Variants in ZNF202 observed in about 807,000 individuals in gnomAD.
ZNF202 encodes the protein zinc finger protein 202, also known as zinc finger protein with KRAB and SCAN domains 10.
A neutral mutation model predicts 54.5 loss-of-function variants in ZNF202; 22 were observed. The ratio of observed to expected loss-of-function variants is 0.40; its 90% CI spans 0.29 to 0.58. The LOEUF (loss-of-function observed/expected upper bound fraction) is 0.58. Among genes scored for constraint, ZNF202 ranks in the 20% least tolerant of loss-of-function variants. The pLI, the probability that ZNF202 is intolerant of heterozygous loss-of-function variation, is 0.39. For missense variants in ZNF202, 644 were observed against 805.5 expected, an observed-to-expected ratio of 0.80 and a Z score of 2.43; for synonymous variants, 294 against 301.4, an observed-to-expected ratio of 0.98 and a Z score of 0.26.
rs765819315 is a variant in ZNF202 at position 123,726,056 on chromosome 11, A to G, written c.1888T>C (p.Phe630Leu). 6.2e-7 allele frequency: 1 copy of G among 1,614,008 alleles called. No individual in the cohort carries two copies. The highest frequency in any genetic ancestry group is 1.3e-5 in the African/African-American group (1 of 74,892). ...CTAATTAAGTGATATCCTCTGCTGA[A>G]GCTTTTTCCACAGGTAGGGCACGTG... ...PFTCPTCGKS[F>L]SRGYHLIRHQ... The change falls in exon 9 of 9, where the codon TTC becomes CTC. Residue 630 changes from phenylalanine (F) to leucine (L), a missense_variant. Phe to Leu is a conservative substitution (Grantham distance 22). This residue lies in a region of ZNF202 where 536 missense variants were observed against 635.3 expected (regional missense o/e 0.84). Coordinates refer to ENST00000530393, the MANE Select transcript of ZNF202 (RefSeq NM_003455.4). This position sits in a 1 kb window ranked among gnomAD's most constrained non-coding sequence, Gnocchi z 6.0.
Position 123,726,342 on chromosome 11 carries a change from G to A in ZNF202, c.1602C>T (p.Gly534=). Residue 534 remains glycine, a synonymous_variant, in exon 9 of 9, where the codon GGC becomes GGT. Transcript: ENST00000530393. The surrounding 1 kb of genome is among the most constrained non-coding windows in gnomAD (Gnocchi z 6.0). ...LTTHQRIHLG[G]KPYLCGECGE... ...CACACTCTCCACACAAGTAGGGTTT[G>A]CCTCCCAGGTGGATTCTTTGGTGTG... 1.9e-6 allele frequency: 3 copies of A among 1,614,238 alleles called. No homozygotes were observed. The African/African-American group carries it at 4.0e-5, about 22-fold the overall frequency.
rs902169302 is a variant in ZNF202 at position 123,726,922 on chromosome 11, G to C, written c.1022C>G (p.Pro341Arg). 1 of 1,613,826 alleles carries C rather than the reference G, an allele frequency of 6.2e-7. No individual in the cohort carries two copies. The highest frequency in any genetic ancestry group is 8.5e-7 in the Non-Finnish European group (1 of 1,180,012). ...EDLSLEDIHR[P>R]VLGEPEIHQT... ...GTGAATTTCTGGTTCTCCCAAAACA[G>C]GCCTGTGTATATCCTCCAAACTCAG... Residue 341 changes from proline (P) to arginine (R), a missense_variant, in exon 9 of 9, where the codon CCT (proline) becomes CGT (arginine). Physicochemically the swap from Pro to Arg is moderately radical, Grantham distance 103. Transcript: ENST00000530393. The surrounding 1 kb of genome is among the most constrained non-coding windows in gnomAD (Gnocchi z 6.0).
rs1410281141 is a variant in ZNF202, at chr11:123,729,148, G to A, written c.680C>T (p.Ala227Val). 1.2e-6 allele frequency: 2 copies of A among 1,614,022 alleles called. No homozygotes were observed. The highest frequency in any genetic ancestry group is 8.5e-7 in the Non-Finnish European group (1 of 1,180,018). Residue 227 changes from alanine (A) to valine (V), a missense_variant, in exon 6 of 9, where the codon GCT becomes GTT. Physicochemically the swap from Ala to Val is moderately conservative, Grantham distance 64. Coordinates refer to ENST00000530393, the MANE Select transcript of ZNF202 (RefSeq NM_003455.4). ...CACCTGTGACAGAGCAGTAAGAAGAGCAACCATCTCTGAGTCTCCAGAGCT... is the reference window on the plus strand; with the variant it reads ...CACCTGTGACAGAGCAGTAAGAAGAACAACCATCTCTGAGTCTCCAGAGCT... ...ERSSGDSEMV[A>V]LLTALSQGLV... is the part of the protein sequence containing the mutation.
At chr11:123,736,421 C>T (rs1448584322) in intron 3 of ZNF202, among the ~76,000 whole-genome samples, 10 of 152,142 alleles carry the variant, frequency 6.6e-5, no homozygotes, top group Admixed American at 6.5e-4. Flanking sequence ...TTATTTTATA[C>T]CTTAATGCAG....
Position 123,726,553 on chromosome 11 carries a change from T to G in ZNF202, c.1391A>C (p.Glu464Ala). The G allele has an allele frequency of 6.2e-7, 1 of 1,614,256 alleles. No individual in the cohort carries two copies. Among genetic ancestry groups the G allele is most frequent in the Admixed American group, 1.7e-5 (1 of 60,028 alleles). The change falls in exon 9 of 9, where the codon GAG becomes GCG. Residue 464 changes from glutamate (E) to alanine (A), a missense_variant. This residue lies in a region of ZNF202 where 536 missense variants were observed against 635.3 expected (regional missense o/e 0.84). Coordinates refer to ENST00000530393, the MANE Select transcript of ZNF202 (RefSeq NM_003455.4). The surrounding 1 kb of genome is among the most constrained non-coding windows in gnomAD (Gnocchi z 6.0). ...CTCAGCCTGTGTCACAGGGGAGGTC[T>G]CTTCCAAATTCTTCCGGTTTAGGGG... is the stretch of plus-strand genomic sequence containing the variant. Reference protein sequence around the residue: ...KYPLNRKNLEETSPVTQAERT... With the variant: ...KYPLNRKNLEATSPVTQAERT...
At chr11:123,733,139 T>G (rs1015050554) in intron 3 of ZNF202, among the ~76,000 whole-genome samples, 9 of 152,208 alleles carry the variant, frequency 5.9e-5, no homozygotes, top group African/African-American at 2.2e-4. Context: ...CTCAACCTTT[T>G]TGTGCTATAC....
chr11:123,731,328 G>C (rs1861397883), intron 3 of ZNF202, among the ~76,000 whole-genome samples: 1 of 152,188 alleles, frequency 6.6e-6, no homozygotes, highest in Non-Finnish European at 1.5e-5. Context: ...ATCATCTCCT[G>C]CCTGGACTAC....
rs1274158871 is a variant in ZNF202 at position 123,730,380 on chromosome 11, G to A, written c.402+107C>T. ...ATGGTATATGAGCAACCCAAGGGCA[G>A]AGCCCACTAATAATTTATGGGGATC... On this transcript the variant is annotated intron_variant, in intron 4 of 8. Transcript: ENST00000530393. This position sits in a 1 kb window ranked among gnomAD's most constrained non-coding sequence, Gnocchi z 6.0. 1.2e-5 allele frequency: 17 copies of A among 1,385,944 alleles called. 1 individual carries two copies. Among genetic ancestry groups the A allele is most frequent in the Admixed American group, 7.1e-5 (3 of 42,308 alleles). The allele number at this position is 1,385,944 out of a possible 1,614,324, so 85.9% of individuals were successfully genotyped here.
intron 3 of ZNF202, among the ~76,000 whole-genome samples, chr11:123,732,062 C>T (rs551348499): frequency 1.1e-4 from 17 of 152,310 alleles, no homozygotes; most frequent in African/African-American, 4.1e-4. Context: ...AGGCTACTCT[C>T]CACCCTTCTC....
At chr11:123,731,037 A>T in intron 3 of ZNF202, 52 bp from the exon 4 acceptor site, 1 of 859,842 alleles carries the variant, frequency 1.2e-6, no homozygotes, top group Non-Finnish European at 1.7e-6. Context: ...ACTATACACA[A>T]GGACAACAGC....
intron 8 of ZNF202, 149 bp from the exon 9 acceptor site, chr11:123,727,140 A>G: frequency 9.4e-7 from 1 of 1,059,902 alleles, no homozygotes; most frequent in South Asian, 1.6e-5. Flanking sequence ...TTGTTATGCT[A>G]TCAACAAACC....
In ZNF202 at chr11:123,730,736, G is replaced by A; in HGVS notation, c.153C>T (p.Arg51=). ...VLETSHQNFR[R]FRYQEAASPR... ...GGCTTGCTGCCTCCTGGTAGCGGAA[G>A]CGTCGGAAGTTCTGGTGGGAGGTTT... The change falls in exon 4 of 9, where the codon CGC becomes CGT. Residue 51 remains arginine (R), a synonymous_variant. Coordinates refer to ENST00000530393, the MANE Select transcript of ZNF202 (RefSeq NM_003455.4). This position sits in a 1 kb window ranked among gnomAD's most constrained non-coding sequence, Gnocchi z 6.0. The A allele has an allele frequency of 6.2e-7, 1 of 1,614,272 alleles. No homozygotes were observed. The highest frequency in any genetic ancestry group is 8.5e-7 in the Non-Finnish European group (1 of 1,180,044).
At chr11:123,729,884 C>A (rs75975034) in intron 4 of ZNF202, 59 bp from the exon 5 acceptor site, 2 of 1,515,188 alleles carry the variant, frequency 1.3e-6, no homozygotes, top group Non-Finnish European at 8.8e-7. Context: ...TTGGTTGTCA[C>A]GGGAGCTTAT....
chr11:123,729,838 C>G lies in ZNF202; in HGVS notation c.403-13G>C, dbSNP rs757307533. The G allele has an allele frequency of 2.1e-5, 34 of 1,585,630 alleles. No individual in the cohort carries two copies. Among genetic ancestry groups the G allele is most frequent in the Non-Finnish European group, 2.6e-6 (3 of 1,167,428 alleles). Reference sequence around the variant, plus strand: ...CATGGACAGTCACCTGGGAATAATTCCAACTTCCAGTCACCATGGAGTCAG... The same window carrying G: ...CATGGACAGTCACCTGGGAATAATTGCAACTTCCAGTCACCATGGAGTCAG... On this transcript the variant is annotated splice_polypyrimidine_tract_variant and intron_variant, in intron 4 of 8. Coordinates refer to ENST00000530393, the MANE Select transcript of ZNF202 (RefSeq NM_003455.4).
In ZNF202 at chr11:123,726,588, A is replaced by T. The variant is rs773473885; in HGVS notation, c.1356T>A (p.Pro452=). 1 of 1,614,158 alleles carries T rather than the reference A, an allele frequency of 6.2e-7. No homozygotes were observed. The highest frequency in any genetic ancestry group is 1.1e-5 in the South Asian group (1 of 91,082). The part of the protein sequence containing the change: ...RHQKVHKMNA[P]YKYPLNRKNL... ...TCTTCCGGTTTAGGGGATATTTGTA[A>T]GGCGCGTTCATCTTGTGAACCTTTT... The change falls in exon 9 of 9, where the codon CCT becomes CCA. Residue 452 remains proline, a synonymous_variant. Coordinates refer to ENST00000530393, the MANE Select transcript of ZNF202 (RefSeq NM_003455.4). The surrounding 1 kb of genome is among the most constrained non-coding windows in gnomAD (Gnocchi z 6.0).
chr11:123,727,672 G>GCCCCACAACCTACCAA, intron 7 of ZNF202, 77 bp from the exon 8 acceptor site: 1 of 1,577,870 alleles, frequency 6.3e-7, no homozygotes, highest in Non-Finnish European at 8.6e-7. Context: ...TTTTCTATTT[G>GCCCCACAACCTACCAA]GTAGGTTGTG....
chr11:123,727,708 G>A lies in ZNF202; in HGVS notation c.833-113C>T. The A allele has an allele frequency of 2.2e-6, 3 of 1,380,288 alleles. No homozygotes were observed. In the South Asian group the frequency reaches 4.1e-5, roughly 19 times the overall value. The allele number at this position is 1,380,288 out of a possible 1,614,324, so 85.5% of individuals were successfully genotyped here. On this transcript the variant is annotated intron_variant, in intron 7 of 8. Transcript: ENST00000530393. ...GGGCAAATACATAGCTAGCTCAGGT[G>A]ATGAAATCTTTCATCTCTTTAGTTT...
Position 123,729,711 on chromosome 11 carries a change from G to A in ZNF202, c.517C>T (p.Gln173Ter), listed in dbSNP as rs1315907591. 6.2e-7 allele frequency: 1 copy of A among 1,613,720 alleles called. No homozygotes were observed. The highest frequency in any genetic ancestry group is 2.2e-5 in the East Asian group (1 of 44,880). The change falls in exon 5 of 9, where the codon CAG becomes TAG. Residue 173 changes from glutamine (Q) to a stop codon, truncating the protein, a stop_gained. Coordinates refer to ENST00000530393, the MANE Select transcript of ZNF202 (RefSeq NM_003455.4). LOFTEE classifies it high-confidence loss of function. ...CTCTGTGTGGTTTCCTCAGGAGACT[G>A]CTCGGGGGTCGAGCTTTGCACAGGA... ...QDPVQSSTPE[Q>*]SPEETTQSPD... is the part of the protein sequence containing the mutation.
chr11:123,731,563 G>A (rs1861407181), intron 3 of ZNF202, among the ~76,000 whole-genome samples: 1 of 152,246 alleles, frequency 6.6e-6, no homozygotes, highest in Non-Finnish European at 1.5e-5. Context: ...ATGAGCGAAA[G>A]TTCTGGAGTC....
Sources: gnomAD v4.1 joint callset for allele counts (sites outside exome capture counted in the v4.1 genomes callset) on GRCh38, gnomAD v4.1.1 for gene constraint, gnomAD v4.1.1 regional missense constraint, Gnocchi (gnomAD v3.1) non-coding constraint, MANE v1.5 for transcripts, NCBI Gene and HGNC (gene_info 2026-07-23, HGNC 2026-07-21) for gene names.